CDH12: variants seen among roughly 807,000 people sequenced by gnomAD.
CDH12 encodes the protein cadherin-12.
A neutral mutation model predicts 74.1 loss-of-function variants in CDH12; 41 were observed. The observed-to-expected ratio is 0.55, with a 90% CI of 0.43 to 0.72. CDH12 has a LOEUF of 0.72. CDH12 is among the 30% of genes least tolerant of loss of function. The pLI, the probability that CDH12 is intolerant of heterozygous loss-of-function variation, is 0.00. For synonymous variants in CDH12, 399 were observed against 355.0 expected (o/e 1.12, Z -1.39); for missense variants, 945 against 977.2 (o/e 0.97, Z 0.44).
chr5:22,590,722 T>TAC (rs1394021057), intron 1 of CDH12, among the ~76,000 whole-genome samples: 1 of 149,514 alleles, frequency 6.7e-6, no homozygotes, highest in Non-Finnish European at 1.5e-5. Context: ...CAATAGCAAT[T>TAC]AAACCCTGTT....
chr5:22,796,886 TATATC>T (rs952532011), intron 1 of CDH12, among the ~76,000 whole-genome samples: 3 of 152,180 alleles, frequency 2.0e-5, no homozygotes, highest in Non-Finnish European at 2.9e-5. Context: ...AGTAAGGAAT[TATATC>T]ATAGGAGGAA....
intron 9 of CDH12, among the ~76,000 whole-genome samples, chr5:21,804,657 C>T (rs201041595): frequency 0.068 from 9,613 of 141,696 alleles, 494 homozygotes; most frequent in East Asian, 0.13. Context: ...CACACACACA[C>T]ACACACACAC....
At chr5:22,276,870 A>G (rs1736658457) in intron 3 of CDH12, among the ~76,000 whole-genome samples, 1 of 152,152 alleles carries the variant, frequency 6.6e-6, no homozygotes, top group African/African-American at 2.4e-5. Flanking sequence ...ACTTTATTTC[A>G]ATAATGTATT....
chr5:22,128,712 C>A (rs370383365), intron 4 of CDH12, among the ~76,000 whole-genome samples: 5 of 152,248 alleles, frequency 3.3e-5, no homozygotes. Context: ...TTCTTCTCCC[C>A]CACTGAGAAG....
chr5:22,621,481 G>GA (rs5866581), intron 1 of CDH12, among the ~76,000 whole-genome samples: 9,964 of 151,854 alleles, frequency 0.066, 435 homozygotes, highest in East Asian at 0.24. Context: ...AAAAATCTTA[G>GA]AAAAAAATTC....
chr5:22,466,941 G>T (rs1178385807), intron 2 of CDH12, among the ~76,000 whole-genome samples: 1 of 151,168 alleles, frequency 6.6e-6, no homozygotes, highest in African/African-American at 2.4e-5. Context: ...GGCACGTGCC[G>T]CCAAGGCCTG....
chr5:22,727,431 G>C (rs1744216437), intron 1 of CDH12, among the ~76,000 whole-genome samples: 1 of 151,430 alleles, frequency 6.6e-6, no homozygotes, highest in African/African-American at 2.4e-5. Flanking sequence ...AACTCATCTT[G>C]CTAGAAAAGA....
intron 2 of CDH12, among the ~76,000 whole-genome samples, chr5:22,456,292 T>C (rs992738752): frequency 2.6e-5 from 4 of 151,434 alleles, no homozygotes; most frequent in African/African-American, 9.7e-5. Flanking sequence ...CTTAATAAAG[T>C]CTGTGTTTAA....
At chr5:22,831,707 C>T (rs1259528318) in intron 1 of CDH12, among the ~76,000 whole-genome samples, 3 of 151,704 alleles carry the variant, frequency 2.0e-5, no homozygotes, top group East Asian at 1.9e-4. Context: ...CCAACCTGGC[C>T]GAGATGGTGA....
chr5:21,845,310 G>C (rs1750105987), intron 7 of CDH12, among the ~76,000 whole-genome samples: 1 of 152,136 alleles, frequency 6.6e-6, no homozygotes, highest in Admixed American at 6.6e-5. Context: ...CCTATAAATA[G>C]AGTAAGAATT....
At chr5:22,164,606 T>C (rs1748572303) in intron 4 of CDH12, among the ~76,000 whole-genome samples, 1 of 152,228 alleles carries the variant, frequency 6.6e-6, no homozygotes, top group South Asian at 2.1e-4. Flanking sequence ...AGAGCTCCTG[T>C]ACGAGGAGGG....
At chr5:22,806,677 G>A (rs1000250814) in intron 1 of CDH12, among the ~76,000 whole-genome samples, 1 of 152,088 alleles carries the variant, frequency 6.6e-6, no homozygotes, top group African/African-American at 2.4e-5. Context: ...TCTAACTGGT[G>A]TGAGATGTTA....
intron 11 of CDH12, among the ~76,000 whole-genome samples, chr5:21,780,902 A>G (rs1251745123): frequency 6.6e-6 from 1 of 152,194 alleles, no homozygotes; most frequent in African/African-American, 2.4e-5. Context: ...ATATGTAACT[A>G]TAATAGAATG....
At chr5:22,456,286 A>G (rs959912800) in intron 2 of CDH12, among the ~76,000 whole-genome samples, 1 of 151,010 alleles carries the variant, frequency 6.6e-6, no homozygotes, top group Non-Finnish European at 1.5e-5. Context: ...TCAACTCTTA[A>G]TAAAGTCTGT....
chr5:21,787,676 G>T (rs898369752), intron 10 of CDH12, among the ~76,000 whole-genome samples: 1 of 152,100 alleles, frequency 6.6e-6, no homozygotes, highest in Non-Finnish European at 1.5e-5. Flanking sequence ...TAAAGTATGA[G>T]CCACGCTGTT....
At chr5:22,014,357 G>C (rs1411673017) in intron 5 of CDH12, among the ~76,000 whole-genome samples, 2 of 152,212 alleles carry the variant, frequency 1.3e-5, no homozygotes, top group Admixed American at 1.3e-4. Context: ...AGTTCATTGA[G>C]TACATGTTCA....
At chr5:21,878,394 T>G (rs1752048319) in intron 6 of CDH12, among the ~76,000 whole-genome samples, 1 of 152,128 alleles carries the variant, frequency 6.6e-6, no homozygotes, top group African/African-American at 2.4e-5. Context: ...CCAAATACGT[T>G]TATTAATGAG....
intron 3 of CDH12, among the ~76,000 whole-genome samples, chr5:22,370,628 A>C (rs145618688): frequency 0.012 from 1,827 of 152,282 alleles, 38 homozygotes; most frequent in African/African-American, 0.041. Flanking sequence ...TTAAAAACTC[A>C]AAATTGTAGC....
intron 1 of CDH12, among the ~76,000 whole-genome samples, chr5:22,512,349 TAGCTAAG>T (rs1351406345): frequency 6.6e-6 from 1 of 152,166 alleles, no homozygotes; most frequent in Non-Finnish European, 1.5e-5. Context: ...CTCTTGTAAT[TAGCTAAG>T]CTACTTCACT....
Sources: allele counts gnomAD v4.1 joint callset (sites outside exome capture counted in the v4.1 genomes callset), GRCh38; gene constraint gnomAD v4.1.1; transcripts MANE v1.5; gene names NCBI Gene and HGNC (gene_info 2026-07-23, HGNC 2026-07-21).